Variants in ATP1A4 observed in about 807,000 individuals in gnomAD.
The protein encoded by ATP1A4 is ATPase Na+/K+ transporting subunit alpha 4.
A neutral mutation model predicts 114.3 loss-of-function variants in ATP1A4; 90 were observed. The observed-to-expected ratio is 0.79, with a 90% CI of 0.66 to 0.94. ATP1A4 has a LOEUF of 0.94. Among genes scored for constraint, ATP1A4 ranks in the 40% least tolerant of loss-of-function variants. The pLI is 0.00. For missense variants in ATP1A4, 1,222 were observed against 1,313.6 expected (o/e 0.93, Z 1.08); for synonymous variants, 511 against 494.1 (o/e 1.03, Z -0.45).
chr1:160,175,959 C>G (rs1451228031), intron 15 of ATP1A4, 133 bp from the exon 16 acceptor site: 10 of 840,596 alleles, frequency 1.2e-5, no homozygotes, highest in Non-Finnish European at 1.9e-5. Context: ...TACTGGGACC[C>G]TGGAGGTCTA....
rs556665417 is a variant in ATP1A4, at chr1:160,180,801, G to A, written c.2737-883G>A. On this transcript the variant is annotated intron_variant, in intron 18 of 21. Transcript: ENST00000368081. The stretch of plus-strand genomic sequence containing the variant: ...ATGATCTCGGCTCACTACAAGCTCC[G>A]CCTCCCGGGTTCACACCATTCTCTC... 7.6e-5 allele frequency among the ~76,000 whole-genome samples: 10 copies of A among 130,910 alleles called. No homozygotes were observed. The South Asian group carries it at 8.1e-4, about 11-fold the overall frequency. The allele number at this position is 130,910 out of a possible 152,430, so 85.9% of individuals were successfully genotyped here. A position where few individuals can be genotyped will look rare whatever the true frequency, so the allele number is the denominator to read the frequency against.
intron 6 of ATP1A4, among the ~76,000 whole-genome samples, chr1:160,160,880 G>C (rs764177289): frequency 2.2e-4 from 34 of 152,122 alleles, no homozygotes; most frequent in Non-Finnish European, 2.8e-4. Context: ...AAATTGATTG[G>C]ACAGAAGCAA....
intron 7 of ATP1A4, 133 bp from the exon 8 acceptor site, chr1:160,166,395 G>T (rs1558021005): frequency 8.6e-7 from 1 of 1,161,472 alleles, no homozygotes; most frequent in East Asian, 2.6e-5. Context: ...AATGTGTAAA[G>T]AGTAGGTGGG....
chr1:160,154,721 A>G (rs982301943), intron 2 of ATP1A4, among the ~76,000 whole-genome samples: 2 of 152,240 alleles, frequency 1.3e-5, no homozygotes, highest in South Asian at 4.1e-4. Flanking sequence ...TTATCTCCCC[A>G]CTGGAGCACC....
chr1:160,172,591 T>C (rs1653304339), intron 12 of ATP1A4, among the ~76,000 whole-genome samples: 1 of 152,222 alleles, frequency 6.6e-6, no homozygotes, highest in Admixed American at 6.5e-5. Flanking sequence ...GTTTCCCAGG[T>C]CAAATTCTAA....
intron 3 of ATP1A4, 118 bp downstream of exon 3, chr1:160,155,366 C>A: frequency 1.6e-6 from 1 of 607,902 alleles, no homozygotes; most frequent in Non-Finnish European, 2.8e-6. Flanking sequence ...TACATTATTA[C>A]ATTAATGTAA....
rs544435397 is a variant in ATP1A4 at position 160,161,304 on chromosome 1, C to A, written c.778+1778C>A. On this transcript the variant is annotated intron_variant, in intron 6 of 21. Coordinates refer to ENST00000368081, the MANE Select transcript of ATP1A4 (RefSeq NM_144699.4). ...TAACCTTTACCCTTGCCTCCCATGT[C>A]TCATCACCGTAGACCTTGACATGGC... Among the ~76,000 whole-genome samples, 4 of 152,292 alleles carry A rather than the reference C, an allele frequency of 2.6e-5. No homozygotes were observed. In the East Asian group the frequency reaches 7.7e-4, roughly 29 times the overall value.
In ATP1A4 at chr1:160,186,926, C is replaced by A; in HGVS notation, c.*227C>A. On this transcript the variant is annotated 3_prime_UTR_variant, in exon 22 of 22. Transcript: ENST00000368081. ...GGAGCCCCGCAGGGAGGGGCATGGTCCTGCTGAATCCCGTAGCCAGTCTAG... is the reference window on the plus strand; with the variant it reads ...GGAGCCCCGCAGGGAGGGGCATGGTACTGCTGAATCCCGTAGCCAGTCTAG... 5.1e-6 allele frequency: 3 copies of A among 593,170 alleles called. No individual in the cohort carries two copies. Among genetic ancestry groups the A allele is most frequent in the Non-Finnish European group, 6.0e-6 (2 of 330,970 alleles). 36.7% of individuals were successfully genotyped at this position (593,170 alleles called of 1,614,324 possible).
intron 1 of ATP1A4, 94 bp downstream of exon 1, chr1:160,152,281 C>T: frequency 7.2e-7 from 1 of 1,383,324 alleles, no homozygotes; most frequent in South Asian, 1.5e-5. Flanking sequence ...AACACACAGG[C>T]CAGAGCCACA....
chr1:160,177,777 G>A, intron 18 of ATP1A4, 113 bp downstream of exon 18: 4 of 1,222,306 alleles, frequency 3.3e-6, no homozygotes, highest in Non-Finnish European at 4.6e-6. Context: ...CACAAACAGA[G>A]CTGATGCCTT....
intron 9 of ATP1A4, 98 bp from the exon 10 acceptor site, chr1:160,167,180 C>T (rs553453411): frequency 1.7e-5 from 26 of 1,561,902 alleles, no homozygotes; most frequent in African/African-American, 1.6e-4. Flanking sequence ...CCCAGGTACC[C>T]GCCCTCCCCA....
chr1:160,185,409 C>T (rs980121472), intron 20 of ATP1A4, among the ~76,000 whole-genome samples: 3 of 152,072 alleles, frequency 2.0e-5, no homozygotes, highest in South Asian at 4.2e-4. Flanking sequence ...TCATGCCTGG[C>T]TATCACTGGC....
chr1:160,153,353 C>G (rs768977253), intron 2 of ATP1A4, 129 bp downstream of exon 2: 2 of 749,098 alleles, frequency 2.7e-6, no homozygotes, highest in Non-Finnish European at 4.5e-6. Context: ...CACCCTCTGC[C>G]TGGCCACGTT....
rs140873920 is a variant in ATP1A4, at chr1:160,166,668, C to T, written c.1188C>T (p.Val396=). ...CCCTCACCCAGAACCGCATGACCGTCGCCCACATGTGGTTTGATATGACCG... is the reference window on the plus strand; with the variant it reads ...CCCTCACCCAGAACCGCATGACCGTTGCCCACATGTGGTTTGATATGACCG... ...TGTLTQNRMT[V]AHMWFDMTVY... Residue 396 remains valine, a synonymous_variant, in exon 8 of 22, where the codon GTC becomes GTT. Coordinates refer to ENST00000368081, the MANE Select transcript of ATP1A4 (RefSeq NM_144699.4). 365 of 1,614,192 alleles carry T rather than the reference C, an allele frequency of 2.3e-4. No homozygotes were observed. In the South Asian group the frequency reaches 2.7e-3, roughly 12 times the overall value.
At chr1:160,163,469 C>T (rs1475910265) in intron 6 of ATP1A4, among the ~76,000 whole-genome samples, 2 of 152,096 alleles carry the variant, frequency 1.3e-5, no homozygotes, top group Non-Finnish European at 2.9e-5. Flanking sequence ...TAGGATGGCT[C>T]ACAGAACTCA....
rs777466241 is a variant in ATP1A4 at position 160,186,656 on chromosome 1, T to G, written c.3062-15T>G. 9 of 1,609,366 alleles carry G rather than the reference T, an allele frequency of 5.6e-6. No homozygotes were observed. In the South Asian group the frequency reaches 1.0e-4, roughly 18 times the overall value. ...TTCCTTCTCCCAGTTCACGCTGGCCTCTTCTCTTCCACAGGCTGGGTGGAA... is the reference window on the plus strand; with the variant it reads ...TTCCTTCTCCCAGTTCACGCTGGCCGCTTCTCTTCCACAGGCTGGGTGGAA... On this transcript the variant is annotated splice_polypyrimidine_tract_variant and intron_variant, in intron 21 of 21. Coordinates refer to ENST00000368081, the MANE Select transcript of ATP1A4 (RefSeq NM_144699.4).
intron 11 of ATP1A4, 54 bp from the exon 12 acceptor site, chr1:160,171,531 A>T: frequency 6.3e-7 from 1 of 1,599,660 alleles, no homozygotes; most frequent in Non-Finnish European, 8.5e-7. Flanking sequence ...GGGTAAGCAG[A>T]TAGGAATGTA....
chr1:160,169,059 C>T (rs1653144815), intron 10 of ATP1A4, among the ~76,000 whole-genome samples: 1 of 152,266 alleles, frequency 6.6e-6, no homozygotes, highest in Non-Finnish European at 1.5e-5. Flanking sequence ...AGCTACCAAA[C>T]ATGCGGCTCA....
chr1:160,161,906 T>G (rs979607440), intron 6 of ATP1A4, among the ~76,000 whole-genome samples: 1 of 152,184 alleles, frequency 6.6e-6, no homozygotes, highest in Non-Finnish European at 1.5e-5. Context: ...GCTCCCAGAT[T>G]AGAGATGCTC....
Sources: allele counts gnomAD v4.1 joint callset (sites outside exome capture counted in the v4.1 genomes callset), GRCh38; gene constraint gnomAD v4.1.1; transcripts MANE v1.5; gene names NCBI Gene and HGNC (gene_info 2026-07-23, HGNC 2026-07-21).